The following ASIC3 variants were observed in gnomAD, a reference collection of about 807,000 sequenced individuals.
ASIC3 encodes acid-sensing ion channel 3.
Under a neutral mutation model 58.6 loss-of-function variants are expected in ASIC3, and 46 were observed. The ratio of observed to expected loss-of-function variants is 0.79; its 90% confidence interval spans 0.62 to 1.00. The LOEUF (loss-of-function observed/expected upper bound fraction) is 1.00. Among genes scored for constraint, ASIC3 ranks in the 50% least tolerant of loss-of-function variants. The probability of loss-of-function intolerance (pLI) is 0.00; values close to 1 mark genes in which losing one functional copy is unlikely to be tolerated. For missense variants in ASIC3, 770 were observed against 735.0 expected, an observed-to-expected ratio of 1.05 and a Z score of -0.55; for synonymous variants, 336 against 300.2, an observed-to-expected ratio of 1.12 and a Z score of -1.23.
In ASIC3 at chr7:151,050,271, A is replaced by C. The variant is rs775981119; in HGVS notation, c.685+15A>C. On this transcript the variant is annotated intron_variant, in intron 2 of 10. Coordinates refer to ENST00000349064, the MANE Select transcript of ASIC3 (RefSeq NM_004769.4). ...GAGGGACAATGGTAGGGAGCACACA[A>C]ATGAGGCTGGGGGAGGGCACGGATG... 6.2e-7 allele frequency: 1 copy of C among 1,606,830 alleles called. No individual in the cohort carries two copies. Among genetic ancestry groups the C allele is most frequent in the Non-Finnish European group, 8.5e-7 (1 of 1,174,428 alleles).
At position 151,051,401 on chromosome 7, in the gene ASIC3, A is replaced by C. The variant is rs1796776559; in HGVS notation, c.1214+82A>C. 3.6e-6 allele frequency: 5 copies of C among 1,390,058 alleles called. 1 individual carries two copies. Among genetic ancestry groups the C allele is most frequent in the Middle Eastern group, 2.7e-4 (1 of 3,752 alleles). 86.1% of individuals were successfully genotyped at this position (1,390,058 alleles called of 1,614,324 possible). A position where few individuals can be genotyped will look rare whatever the true frequency, so the allele number is the denominator to read the frequency against. On this transcript the variant is annotated intron_variant, in intron 6 of 10. Coordinates refer to ENST00000349064, the MANE Select transcript of ASIC3 (RefSeq NM_004769.4). ...ACGGGGCAGGCCAGGCCGTAGCCCT[A>C]GTGCGCACAGCCCGGGCGGAGGCAG...
At position 151,052,135 on chromosome 7, in the gene ASIC3, A is replaced by C. The variant is rs1390640831; in HGVS notation, c.1387-31A>C. ...CCCTAGGATGAGGGGGAAGGTGTGC[A>C]CTGGCCACCTCCCATCCTGCTTGCC... On this transcript the variant is annotated intron_variant, in intron 8 of 10. Coordinates refer to ENST00000349064, the MANE Select transcript of ASIC3 (RefSeq NM_004769.4). This position sits in a 1 kb window ranked among gnomAD's most constrained non-coding sequence, Gnocchi z 5.0. The C allele has an allele frequency of 6.2e-7, 1 of 1,613,918 alleles. No individual in the cohort carries two copies. Among genetic ancestry groups the C allele is most frequent in the Admixed American group, 1.7e-5 (1 of 60,026 alleles).
rs148467100 is a variant in ASIC3, at chr7:151,050,572, G to C, written c.777G>C (p.Pro259=). Residue 259 remains proline (P), a synonymous_variant, in exon 3 of 11, where the codon CCG becomes CCC. Coordinates refer to ENST00000349064, the MANE Select transcript of ASIC3 (RefSeq NM_004769.4). ...ATCAGCTGGGCTTGGGGGTGTCCCC[G>C]GGCTACCAGACCTTTGTTTCTTGCC... is the stretch of plus-strand genomic sequence containing the variant. The part of the protein sequence containing the change: ...IIDQLGLGVS[P]GYQTFVSCQQ... 1.1e-5 allele frequency: 18 copies of C among 1,614,002 alleles called. No homozygotes were observed. The highest frequency in any genetic ancestry group is 1.4e-5 in the Non-Finnish European group (17 of 1,179,966).
Position 151,051,044 on chromosome 7 carries a change from G to A in ASIC3, c.1015G>A (p.Val339Met), listed in dbSNP as rs200502346. ...GCRMVYMPGD[V>M]PVCSPQQYKN... Reference sequence around the variant, plus strand: ...CATCTCCCCGGTACCCGCAGGCGACGTGCCAGTGTGCAGCCCCCAGCAGTA... The same window carrying A: ...CATCTCCCCGGTACCCGCAGGCGACATGCCAGTGTGCAGCCCCCAGCAGTA... The change falls in exon 5 of 11, where the codon GTG becomes ATG. Residue 339 changes from valine (V) to methionine (M), a missense_variant. Coordinates refer to ENST00000349064, the MANE Select transcript of ASIC3 (RefSeq NM_004769.4). The A allele has an allele frequency of 5.6e-6, 9 of 1,613,166 alleles. No individual in the cohort carries two copies. The Admixed American group carries it at 1.3e-4, about 24-fold the overall frequency.
At position 151,051,213 on chromosome 7, in the gene ASIC3, T is replaced by C; in HGVS notation, c.1108T>C (p.Cys370Arg). Residue 370 changes from cysteine to arginine, a missense_variant, in exon 6 of 11, where the codon TGC becomes CGC. Physicochemically the swap from Cys to Arg is radical, Grantham distance 180. Transcript: ENST00000349064. ...GGACTCGTGCGCCTGCCCCAACCCG[T>C]GCGCCAGCACGCGCTACGCCAAGGA... ...RKDSCACPNP[C>R]ASTRYAKELS... 1 of 1,583,466 alleles carries C rather than the reference T, an allele frequency of 6.3e-7. No homozygotes were observed.
In ASIC3 at chr7:151,050,696, G is replaced by A. The variant is rs184252418; in HGVS notation, c.814-62G>A. The A allele has an allele frequency of 5.1e-5, 82 of 1,605,824 alleles. 2 individuals carry two copies. In the East Asian group the frequency reaches 1.3e-3, roughly 25 times the overall value. On this transcript the variant is annotated intron_variant, in intron 3 of 10. Transcript: ENST00000349064. ...CTCAGCTCCTCAGACCTGTCTAGGG[G>A]CCTCTCCCCAGCTGGCCTCTCACGC...
Position 151,052,080 on chromosome 7 carries a change from C to T in ASIC3, c.1386+18C>T. The T allele has an allele frequency of 1.2e-6, 2 of 1,613,554 alleles. No homozygotes were observed. The highest frequency in any genetic ancestry group is 1.7e-6 in the Non-Finnish European group (2 of 1,179,814). ...TCTGTGAGGTGGGCCAGGGCCCCCACTGCAGGGGGTGGGAGGTGGGAATCA... is the reference window on the plus strand; with the variant it reads ...TCTGTGAGGTGGGCCAGGGCCCCCATTGCAGGGGGTGGGAGGTGGGAATCA... On this transcript the variant is annotated intron_variant, in intron 8 of 10. Coordinates refer to ENST00000349064, the MANE Select transcript of ASIC3 (RefSeq NM_004769.4). This position sits in a 1 kb window ranked among gnomAD's most constrained non-coding sequence, Gnocchi z 5.0.
rs1489663419 is a variant in ASIC3 at position 151,051,832 on chromosome 7, A to G, written c.1237A>G (p.Ile413Val). The G allele has an allele frequency of 6.2e-7, 1 of 1,613,552 alleles. No homozygotes were observed. The highest frequency in any genetic ancestry group is 8.5e-7 in the Non-Finnish European group (1 of 1,179,938). Residue 413 changes from isoleucine to valine, a missense_variant, in exon 7 of 11, where the codon ATC becomes GTC. By Grantham distance (29) the Ile-to-Val change is conservative. Coordinates refer to ENST00000349064, the MANE Select transcript of ASIC3 (RefSeq NM_004769.4). Reference protein sequence around the residue: ...YIAENVLALDIFFEALNYETV... With the variant: ...YIAENVLALDVFFEALNYETV... ...CAGGGAGAACGTGCTGGCCCTGGACATCTTCTTTGAGGCCCTCAACTATGA... is the reference window on the plus strand; with the variant it reads ...CAGGGAGAACGTGCTGGCCCTGGACGTCTTCTTTGAGGCCCTCAACTATGA...
At position 151,050,748 on chromosome 7, in the gene ASIC3, C is replaced by T. The variant is rs1301004434; in HGVS notation, c.814-10C>T. 1.2e-6 allele frequency: 2 copies of T among 1,612,232 alleles called. No individual in the cohort carries two copies. The highest frequency in any genetic ancestry group is 2.2e-5 in the East Asian group (1 of 44,868). ...CTCCGGGAAGCCTCCTTAACCCTGT[C>T]CCCCCACAGCTGAGCTTCCTGCCAC... On this transcript the variant is annotated splice_polypyrimidine_tract_variant and intron_variant, in intron 3 of 10. Coordinates refer to ENST00000349064, the MANE Select transcript of ASIC3 (RefSeq NM_004769.4).
chr7:151,051,396 G>A, intron 6 of ASIC3, 77 bp downstream of exon 6: 1 of 1,398,132 alleles, frequency 7.2e-7, no homozygotes, highest in South Asian at 1.6e-5. Flanking sequence ...CCAGGCCGTA[G>A]CCCTAGTGCG....
chr7:151,051,157 C>A lies in ASIC3; in HGVS notation c.1067-15C>A. On this transcript the variant is annotated splice_polypyrimidine_tract_variant and intron_variant, in intron 5 of 10. Coordinates refer to ENST00000349064, the MANE Select transcript of ASIC3 (RefSeq NM_004769.4). ...CTCCGCCCGCGGGCGTCTGACGCGGCCCGGTGGCCCGCAGATGCCATGCTT... is the reference window on the plus strand; with the variant it reads ...CTCCGCCCGCGGGCGTCTGACGCGGACCGGTGGCCCGCAGATGCCATGCTT... 3.8e-6 allele frequency: 6 copies of A among 1,595,272 alleles called. No homozygotes were observed. The highest frequency in any genetic ancestry group is 5.1e-6 in the Non-Finnish European group (6 of 1,175,296).
rs368955092 is a variant in ASIC3, at chr7:151,049,122, A to G, written c.237A>G (p.Arg79=). Residue 79 remains arginine, a synonymous_variant, in exon 1 of 11, where the codon CGA becomes CGG. Transcript: ENST00000349064. ...ACCACCAGACTGCCCTGGATGAGCG[A>G]GAAAGCCACCGGCTCATCTTCCCGG... is the stretch of plus-strand genomic sequence containing the variant. ...EFHHQTALDE[R]ESHRLIFPAV... is the part of the protein sequence containing the mutation. The G allele has an allele frequency of 8.7e-6, 14 of 1,613,862 alleles. No individual in the cohort carries two copies. The African/African-American group carries it at 1.5e-4, about 17-fold the overall frequency.
At chr7:151,051,569 C>CGGCGGGG (rs1261241778) in intron 6 of ASIC3, among the ~76,000 whole-genome samples, 1 of 63,548 alleles carries the variant, frequency 1.6e-5, no homozygotes, top group Admixed American at 2.4e-4. Flanking sequence ...AAAACAGAGA[C>CGGCGGGG]GGCGGGGGGC....
chr7:151,050,096 C>T lies in ASIC3; in HGVS notation c.535-10C>T, dbSNP rs1231011442. 1 of 1,613,854 alleles carries T rather than the reference C, an allele frequency of 6.2e-7. No individual in the cohort carries two copies. Among genetic ancestry groups the T allele is most frequent in the Middle Eastern group, 1.7e-4 (1 of 5,982 alleles). Reference sequence around the variant, plus strand: ...GGGGAGATGGCCATCACCCTGTCTGCCCGCCCCAGATCTTCACCCGGATGG... The same window carrying T: ...GGGGAGATGGCCATCACCCTGTCTGTCCGCCCCAGATCTTCACCCGGATGG... On this transcript the variant is annotated splice_polypyrimidine_tract_variant and intron_variant, in intron 1 of 10. Transcript: ENST00000349064.
In ASIC3 at chr7:151,049,017, G is replaced by C. The variant is rs754949155; in HGVS notation, c.132G>C (p.Met44Ile). 5.6e-6 allele frequency: 9 copies of C among 1,612,722 alleles called. No homozygotes were observed. Among genetic ancestry groups the C allele is most frequent in the Non-Finnish European group, 7.6e-6 (9 of 1,179,036 alleles). Reference protein sequence around the residue: ...GPGSLSLRRGMWAAAVVLSVA... With the variant: ...GPGSLSLRRGIWAAAVVLSVA... Reference sequence around the variant, plus strand: ...GCAGCCTGAGCCTGCGCCGGGGGATGTGGGCAGCGGCCGTGGTCCTGTCAG... The same window carrying C: ...GCAGCCTGAGCCTGCGCCGGGGGATCTGGGCAGCGGCCGTGGTCCTGTCAG... Residue 44 changes from methionine to isoleucine, a missense_variant, in exon 1 of 11, where the codon ATG becomes ATC. Physicochemically the swap from Met to Ile is conservative, Grantham distance 10 (BLOSUM62 1). Coordinates refer to ENST00000349064, the MANE Select transcript of ASIC3 (RefSeq NM_004769.4).
chr7:151,050,083 A>C (rs759243836), intron 1 of ASIC3, 23 bp from the exon 2 acceptor site: 5 of 1,613,532 alleles, frequency 3.1e-6, no homozygotes, highest in Non-Finnish European at 4.2e-6. Context: ...GGAGATGGCC[A>C]TCACCCTGTC....
At chr7:151,051,481 C>T (rs1796778197) in intron 6 of ASIC3, among the ~76,000 whole-genome samples, 162 bp downstream of exon 6, 1 of 152,006 alleles carries the variant, frequency 6.6e-6, no homozygotes, top group Non-Finnish European at 1.5e-5. Flanking sequence ...ATCTTTCTGG[C>T]CCCGGGGGAT....
chr7:151,050,424 T>G (rs1796739475), intron 2 of ASIC3, 57 bp from the exon 3 acceptor site: 2 of 1,598,530 alleles, frequency 1.3e-6, no homozygotes, highest in Non-Finnish European at 1.7e-6. Context: ...AGGTCTTGTC[T>G]GGTTGGGCAG....
chr7:151,049,994 G>A, intron 1 of ASIC3, 112 bp from the exon 2 acceptor site: 1 of 1,411,656 alleles, frequency 7.1e-7, no homozygotes, highest in Non-Finnish European at 9.8e-7. Context: ...GCATTGAGAT[G>A]CGGGCTTCAG....
Sources: gnomAD v4.1 joint callset for allele counts (sites outside exome capture counted in the v4.1 genomes callset) on GRCh38, gnomAD v4.1.1 for gene constraint, Gnocchi (gnomAD v3.1) non-coding constraint, MANE v1.5 for transcripts, NCBI Gene and HGNC (gene_info 2026-07-23, HGNC 2026-07-21) for gene names.